Variants in AGBL4 observed in about 807,000 individuals in gnomAD.
The protein encoded by AGBL4 is cytosolic carboxypeptidase 6.
A neutral mutation model predicts 66.4 loss-of-function variants in AGBL4; 58 were observed. The observed-to-expected ratio is 0.87, with a 90% CI of 0.71 to 1.09. The LOEUF is 1.09. Ranked by LOEUF, AGBL4 falls within the 50% of genes least tolerant of loss-of-function variation. The pLI is 0.00. For synonymous variants in AGBL4, 234 were observed against 222.9 expected (o/e 1.05, Z -0.44); for missense variants, 579 against 631.0 (o/e 0.92, Z 0.88).
At chr1:49,443,525 C>G (rs1006518659) in intron 3 of AGBL4, among the ~76,000 whole-genome samples, 2 of 151,924 alleles carry the variant, frequency 1.3e-5, no homozygotes, top group Non-Finnish European at 2.9e-5. Context: ...AAGAAGGTGT[C>G]CTTTCCCCAT....
intron 5 of AGBL4, among the ~76,000 whole-genome samples, chr1:48,936,057 G>A (rs2148909094): frequency 6.9e-6 from 1 of 144,126 alleles, no homozygotes; most frequent in African/African-American, 2.5e-5. Context: ...GGAGGCCAAG[G>A]AAGAGCATAG....
At chr1:49,012,286 A>C (rs1662496187) in intron 5 of AGBL4, among the ~76,000 whole-genome samples, 2 of 152,164 alleles carry the variant, frequency 1.3e-5, no homozygotes, top group African/African-American at 4.8e-5. Context: ...GTGTGCAGGG[A>C]AAATATAGAG....
At chr1:49,240,998 T>C (rs1425571283) in intron 4 of AGBL4, among the ~76,000 whole-genome samples, 2 of 152,066 alleles carry the variant, frequency 1.3e-5, no homozygotes, top group African/African-American at 2.4e-5. Context: ...TCCTTCTCTT[T>C]TACTCTCCAC....
chr1:48,851,753 C>T (rs2148809901), intron 6 of AGBL4, among the ~76,000 whole-genome samples: 1 of 152,190 alleles, frequency 6.6e-6, no homozygotes, highest in Admixed American at 6.5e-5. Context: ...GCTGATCCTC[C>T]CTCATTTTTT....
chr1:49,074,933 C>G (rs1310306947), intron 4 of AGBL4, among the ~76,000 whole-genome samples: 2 of 152,146 alleles, frequency 1.3e-5, no homozygotes, highest in Non-Finnish European at 2.9e-5. Context: ...TTCCTAAACT[C>G]CATGTATACG....
chr1:49,851,719 C>G (rs1646310564), intron 1 of AGBL4, among the ~76,000 whole-genome samples: 1 of 152,026 alleles, frequency 6.6e-6, no homozygotes, highest in African/African-American at 2.4e-5. Context: ...CAAATAACTG[C>G]TAATTCTCTA....
intron 3 of AGBL4, among the ~76,000 whole-genome samples, chr1:49,306,154 C>T (rs12037079): frequency 0.43 from 65,339 of 152,040 alleles, 16,607 homozygotes; most frequent in Non-Finnish European, 0.58. Flanking sequence ...AATTGCTGAG[C>T]ATAGACAATC....
chr1:49,759,016 T>A (rs933210725), intron 2 of AGBL4, among the ~76,000 whole-genome samples: 3 of 152,142 alleles, frequency 2.0e-5, no homozygotes. Flanking sequence ...CCCAAGCTGA[T>A]CTTGTAATAG....
chr1:49,891,790 T>C (rs184535536), intron 1 of AGBL4, among the ~76,000 whole-genome samples: 150 of 152,270 alleles, frequency 9.9e-4, no homozygotes, highest in African/African-American at 3.5e-3. Flanking sequence ...CTCTCCTCCA[T>C]CCAGTAATAC....
At chr1:49,490,301 G>A (rs1350431005) in intron 3 of AGBL4, among the ~76,000 whole-genome samples, 2 of 151,598 alleles carry the variant, frequency 1.3e-5, no homozygotes, top group Non-Finnish European at 3.0e-5. Context: ...ACTTAAATCT[G>A]TTAATGTTGT....
intron 3 of AGBL4, among the ~76,000 whole-genome samples, chr1:49,298,609 G>C (rs1298454250): frequency 6.6e-6 from 1 of 151,906 alleles, no homozygotes; most frequent in East Asian, 1.9e-4. Flanking sequence ...GGATCATTGA[G>C]GGGTGCCTGG....
intron 2 of AGBL4, among the ~76,000 whole-genome samples, chr1:49,814,146 G>A (rs1326450192): frequency 6.6e-6 from 1 of 152,084 alleles, no homozygotes; most frequent in East Asian, 1.9e-4. Context: ...TTAGCAGCAT[G>A]AGAGCTGACT....
intron 1 of AGBL4, among the ~76,000 whole-genome samples, chr1:49,951,160 G>A (rs1230226570): frequency 6.6e-6 from 1 of 151,724 alleles, no homozygotes; most frequent in East Asian, 1.9e-4. Flanking sequence ...GTACAGCACG[G>A]TGACTATAGT....
At chr1:49,382,415 T>C (rs1324064510) in intron 3 of AGBL4, among the ~76,000 whole-genome samples, 1 of 151,768 alleles carries the variant, frequency 6.6e-6, no homozygotes, top group African/African-American at 2.4e-5. Context: ...AACTACACGA[T>C]CAATTCAGTT....
At chr1:49,225,904 G>A (rs1477313405) in intron 4 of AGBL4, among the ~76,000 whole-genome samples, 1 of 152,176 alleles carries the variant, frequency 6.6e-6, no homozygotes, top group African/African-American at 2.4e-5. Flanking sequence ...ATCAGCTTGA[G>A]AACTAGATTC....
chr1:48,525,464 A>T, the AGBL4 span, among the ~76,000 whole-genome samples: 1 of 152,234 alleles, frequency 6.6e-6, no homozygotes. Context: ...AAAAGCATGG[A>T]TGAAGTAGGG....
intron 3 of AGBL4, among the ~76,000 whole-genome samples, chr1:49,535,024 C>G (rs534957547): frequency 1.1e-4 from 16 of 152,158 alleles, no homozygotes; most frequent in Non-Finnish European, 2.1e-4. Flanking sequence ...TCCTTCCTTC[C>G]CCTTGAAAAG....
intron 2 of AGBL4, among the ~76,000 whole-genome samples, chr1:49,830,215 T>G (rs1645627983): frequency 6.6e-6 from 1 of 152,294 alleles, no homozygotes; most frequent in South Asian, 2.1e-4. Context: ...ATGGTTGAAC[T>G]AATTTACACT....
chr1:49,360,551 A>C (rs1469386661), intron 3 of AGBL4, among the ~76,000 whole-genome samples: 1 of 152,210 alleles, frequency 6.6e-6, no homozygotes, highest in African/African-American at 2.4e-5. Context: ...TTTTATTGCA[A>C]CAGTTTTCTA....
Sources: allele counts gnomAD v4.1 joint callset (sites outside exome capture counted in the v4.1 genomes callset), GRCh38; gene constraint gnomAD v4.1.1; transcripts MANE v1.5; gene names NCBI Gene and HGNC (gene_info 2026-07-23, HGNC 2026-07-21).